IMMP2L: variants seen among roughly 807,000 people sequenced by gnomAD.
IMMP2L encodes the protein inner mitochondrial membrane peptidase subunit 2.
Under a neutral mutation model 19.3 loss-of-function variants are expected in IMMP2L, and 18 were observed. That is an observed-to-expected ratio of 0.93 (90% CI 0.64 to 1.38). The LOEUF (loss-of-function observed/expected upper bound fraction) is 1.38, where lower values mean the gene tolerates loss of function less well. Ranked by LOEUF, IMMP2L falls within the 40% of genes most tolerant of loss-of-function variation. IMMP2L has a pLI of 0.00. For synonymous variants in IMMP2L, 76 were observed against 73.0 expected (o/e 1.04, Z -0.21); for missense variants, 233 against 218.2 (o/e 1.07, Z -0.43).
At chr7:110,764,645 C>T (rs1433664048) in intron 5 of IMMP2L, among the ~76,000 whole-genome samples, 3 of 151,992 alleles carry the variant, frequency 2.0e-5, no homozygotes, top group Admixed American at 2.0e-4. Context: ...CATAAGGTAG[C>T]ACCTAATTAT....
intron 3 of IMMP2L, among the ~76,000 whole-genome samples, chr7:111,337,984 T>G (rs1826616720): frequency 6.6e-6 from 1 of 152,114 alleles, no homozygotes; most frequent in African/African-American, 2.4e-5. Flanking sequence ...GTTGGAGAGT[T>G]AAAACACACA....
chr7:110,882,209 C>A (rs1190972719), intron 5 of IMMP2L, among the ~76,000 whole-genome samples: 1 of 152,098 alleles, frequency 6.6e-6, no homozygotes, highest in East Asian at 1.9e-4. Flanking sequence ...TATCTATGAC[C>A]TGAATCTCTG....
chr7:111,017,854 A>G (rs1825864961), intron 3 of IMMP2L, among the ~76,000 whole-genome samples: 1 of 152,202 alleles, frequency 6.6e-6, no homozygotes, highest in South Asian at 2.1e-4. Context: ...CAGAGAAAAT[A>G]CCCATTCAGC....
chr7:111,295,295 GTA>G (rs1467654078), intron 3 of IMMP2L, among the ~76,000 whole-genome samples: 7 of 151,866 alleles, frequency 4.6e-5, no homozygotes, highest in African/African-American at 1.7e-4. Context: ...CCCCAATGCA[GTA>G]TCATGATAAA....
intron 3 of IMMP2L, among the ~76,000 whole-genome samples, chr7:110,999,954 A>G (rs546747703): frequency 5.9e-5 from 9 of 152,196 alleles, no homozygotes; most frequent in Non-Finnish European, 1.0e-4. Context: ...AAACTCCCTC[A>G]ATTGGCAGAG....
intron 2 of IMMP2L, among the ~76,000 whole-genome samples, chr7:111,504,674 T>C (rs1185562116): frequency 6.6e-6 from 1 of 152,160 alleles, no homozygotes; most frequent in African/African-American, 2.4e-5. Flanking sequence ...GCCGCATATC[T>C]ACAACCATCT....
intron 3 of IMMP2L, among the ~76,000 whole-genome samples, chr7:111,389,945 T>C (rs973151658): frequency 6.6e-5 from 10 of 152,160 alleles, no homozygotes; most frequent in Non-Finnish European, 4.4e-5. Flanking sequence ...AAAATGTTAA[T>C]TCTCACAGAA....
chr7:110,863,055 A>T lies in IMMP2L; in HGVS notation c.408+23538T>A, dbSNP rs145752537. Among the ~76,000 whole-genome samples the T allele has an allele frequency of 6.6e-4, 100 of 152,196 alleles. No individual in the cohort carries two copies. In the East Asian group the frequency reaches 0.017, roughly 27 times the overall value. Reference sequence around the variant, plus strand: ...TCTGGCTACTGCTGTTGCTATGAGTAATAAACTGCCCTTTTTCTCTGACCT... The same window carrying T: ...TCTGGCTACTGCTGTTGCTATGAGTTATAAACTGCCCTTTTTCTCTGACCT... On this transcript the variant is annotated intron_variant, in intron 5 of 5. Transcript: ENST00000405709.
chr7:110,905,145 T>G (rs1423617803), intron 4 of IMMP2L, among the ~76,000 whole-genome samples: 1 of 152,146 alleles, frequency 6.6e-6, no homozygotes, highest in Non-Finnish European at 1.5e-5. Flanking sequence ...CTCCTACAAA[T>G]GATCAACCTG....
intron 3 of IMMP2L, among the ~76,000 whole-genome samples, chr7:111,203,643 T>C (rs1810396058): frequency 6.6e-6 from 1 of 151,502 alleles, no homozygotes; most frequent in Non-Finnish European, 1.5e-5. Context: ...ATGCTACTTG[T>C]TCTGCTTCTA....
At chr7:111,319,675 C>T (rs573045587) in intron 3 of IMMP2L, among the ~76,000 whole-genome samples, 39 of 152,062 alleles carry the variant, frequency 2.6e-4, no homozygotes, top group African/African-American at 6.5e-4. Flanking sequence ...TATTCTATAG[C>T]GATAAGTTCT....
intron 1 of IMMP2L, among the ~76,000 whole-genome samples, chr7:111,538,279 C>A (rs1330720732): frequency 6.6e-6 from 1 of 152,016 alleles, no homozygotes. Flanking sequence ...CTACATCATA[C>A]TCAGAATGTG....
At chr7:111,356,996 G>T (rs1209950343) in intron 3 of IMMP2L, among the ~76,000 whole-genome samples, 2 of 152,106 alleles carry the variant, frequency 1.3e-5, no homozygotes, top group Non-Finnish European at 2.9e-5. Context: ...ACTCCAGCCT[G>T]GGCAACAAGA....
intron 5 of IMMP2L, among the ~76,000 whole-genome samples, chr7:110,798,209 C>T (rs976342950): frequency 5.9e-5 from 9 of 151,908 alleles, no homozygotes; most frequent in African/African-American, 2.2e-4. Flanking sequence ...AAAATCTAGG[C>T]ACTGTGATTA....
At chr7:111,121,039 C>G (rs1446132826) in intron 3 of IMMP2L, among the ~76,000 whole-genome samples, 1 of 151,320 alleles carries the variant, frequency 6.6e-6, no homozygotes, top group African/African-American at 2.4e-5. Context: ...AATAAAATTA[C>G]AAGGTATAAA....
intron 4 of IMMP2L, among the ~76,000 whole-genome samples, chr7:110,938,798 T>A (rs1816393884): frequency 6.6e-6 from 1 of 152,108 alleles, no homozygotes; most frequent in Non-Finnish European, 1.5e-5. Context: ...TCGTTAAATG[T>A]AATATGCAGT....
intron 5 of IMMP2L, among the ~76,000 whole-genome samples, chr7:110,718,801 G>T (rs17157920): frequency 0.1 from 15,327 of 152,170 alleles, 807 homozygotes; most frequent in Middle Eastern, 0.16. Flanking sequence ...GCAGATAGAG[G>T]TTGGCTCAGG....
At chr7:111,238,296 T>C (rs1421539492) in intron 3 of IMMP2L, among the ~76,000 whole-genome samples, 1 of 151,806 alleles carries the variant, frequency 6.6e-6, no homozygotes, top group African/African-American at 2.4e-5. Context: ...GGATTCACCC[T>C]ATGGAACCTG....
intron 3 of IMMP2L, among the ~76,000 whole-genome samples, chr7:110,972,525 A>C (rs905978112): frequency 3.9e-5 from 6 of 152,082 alleles, no homozygotes; most frequent in African/African-American, 1.4e-4. Context: ...GAAGAGGTTA[A>C]TTTGGAAAGG....
Sources: gnomAD v4.1 joint callset for allele counts (sites outside exome capture counted in the v4.1 genomes callset) on GRCh38, gnomAD v4.1.1 for gene constraint, MANE v1.5 for transcripts, NCBI Gene and HGNC (gene_info 2026-07-23, HGNC 2026-07-21) for gene names.